The following CHD6 variants were observed in gnomAD, a reference collection of about 807,000 sequenced individuals.
CHD6 encodes ATP-dependent chromatin remodeler CHD6.
In CHD6, 50 loss-of-function variants were observed where a neutral mutation model predicts 276.9. The ratio of observed to expected loss-of-function variants is 0.18; its 90% CI spans 0.14 to 0.23. CHD6 has a LOEUF of 0.23. Among genes scored for constraint, CHD6 ranks in the 10% least tolerant of loss-of-function variants. The pLI is 1.00. For missense variants in CHD6, 2,564 were observed against 3,365.8 expected (o/e 0.76, Z 5.89); for synonymous variants, 1,173 against 1,229.3 (o/e 0.95, Z 0.96).
Position 41,404,452 on chromosome 20 carries a change from C to A in CHD6, c.*141G>T, listed in dbSNP as rs1458163099. 1.6e-5 allele frequency: 22 copies of A among 1,354,064 alleles called. No homozygotes were observed. In the South Asian group the frequency reaches 1.7e-4, roughly 11 times the overall value. The allele number at this position is 1,354,064 out of a possible 1,614,324, so 83.9% of individuals were successfully genotyped here. On this transcript the variant is annotated 3_prime_UTR_variant, in exon 37 of 37. Coordinates refer to ENST00000373233, the MANE Select transcript of CHD6 (RefSeq NM_032221.5). ...CCCTGCAACTATTAACATCTGTTAC[C>A]ATAGTTCTCAGACAGGAAATCAGGT...
At chr20:41,581,265 T>C (rs2045536212) in intron 1 of CHD6, among the ~76,000 whole-genome samples, 1 of 152,196 alleles carries the variant, frequency 6.6e-6, no homozygotes, top group Non-Finnish European at 1.5e-5. Context: ...GACGGTCAAG[T>C]AACTTGCCAA....
chr20:41,530,326 G>C (rs746163245), intron 3 of CHD6, among the ~76,000 whole-genome samples: 35 of 152,226 alleles, frequency 2.3e-4, no homozygotes, highest in Non-Finnish European at 4.7e-4. Context: ...GCTTCAGAAA[G>C]ACTAGCCAGG....
chr20:41,488,217 G>C (rs1229467824), intron 13 of CHD6, among the ~76,000 whole-genome samples: 1 of 152,128 alleles, frequency 6.6e-6, no homozygotes, highest in Non-Finnish European at 1.5e-5. Flanking sequence ...TAAGTCTATG[G>C]AAATCAATCT....
At chr20:41,506,082 A>G (rs1243133062) in intron 5 of CHD6, among the ~76,000 whole-genome samples, 1 of 151,996 alleles carries the variant, frequency 6.6e-6, no homozygotes, top group Non-Finnish European at 1.5e-5. Context: ...CCAAAACCCA[A>G]TCTATTTCTC....
chr20:41,403,638 C>T lies in CHD6; in HGVS notation c.*955G>A, dbSNP rs559713834. 1.4e-4 allele frequency: 153 copies of T among 1,061,574 alleles called. No homozygotes were observed. The South Asian group carries it at 3.3e-3, about 23-fold the overall frequency. 65.8% of individuals were successfully genotyped at this position (1,061,574 alleles called of 1,614,324 possible). ...TGTCAAAGTGTTGGGCAACTGTCTT[C>T]TTGCAGGCTCCAGAAAGAACCTTAT... is the stretch of plus-strand genomic sequence containing the variant. On this transcript the variant is annotated 3_prime_UTR_variant, in exon 37 of 37. Coordinates refer to ENST00000373233, the MANE Select transcript of CHD6 (RefSeq NM_032221.5).
intron 36 of CHD6, among the ~76,000 whole-genome samples, chr20:41,410,244 G>A (rs2046803852): frequency 6.6e-6 from 1 of 152,180 alleles, no homozygotes; most frequent in African/African-American, 2.4e-5. Context: ...TTAGGTCATA[G>A]GGGTCGAGCC....
intron 4 of CHD6, 115 bp from the exon 5 acceptor site, chr20:41,513,110 A>C (rs557883292): frequency 1.8e-6 from 2 of 1,128,846 alleles, no homozygotes; most frequent in East Asian, 4.7e-5. Context: ...TTGCCTTACA[A>C]AAGAAATCTT....
At chr20:41,511,253 C>G (rs1432138579) in intron 5 of CHD6, among the ~76,000 whole-genome samples, 1 of 152,230 alleles carries the variant, frequency 6.6e-6, no homozygotes, top group Non-Finnish European at 1.5e-5. Context: ...TGTGCTGCTA[C>G]TGCTCCATAC....
chr20:41,422,064 G>A lies in CHD6; in HGVS notation c.4571C>T (p.Thr1524Ile), dbSNP rs1301003529. The A allele has an allele frequency of 6.2e-7, 1 of 1,608,194 alleles. No homozygotes were observed. The highest frequency in any genetic ancestry group is 1.3e-5 in the African/African-American group (1 of 74,806). The part of the protein sequence containing the change: ...TWKDGGPPDT[T>I]IYVEPITEER... ...CTCAGTGATGGGTTCAACGTAGATG[G>A]TGGTATCTGGGGGACCTGGAGAGAA... Residue 1524 changes from threonine to isoleucine, a missense_variant, in exon 31 of 37, where the codon ACC becomes ATC. By Grantham distance (89) the Thr-to-Ile change is moderately conservative. Transcript: ENST00000373233.
chr20:41,490,033 GAGAAAT>G lies in CHD6; in HGVS notation c.1437-18_1437-13del. ...AAATACAGTTTTTTCTGCAGAGAGT[GAGAAAT>G]ATAGGTAATTCATTATCAATATAGG... On this transcript the variant is annotated splice_polypyrimidine_tract_variant and intron_variant, in intron 11 of 36. Transcript: ENST00000373233. 6.2e-7 allele frequency: 1 copy of G among 1,610,796 alleles called. No homozygotes were observed. The highest frequency in any genetic ancestry group is 8.5e-7 in the Non-Finnish European group (1 of 1,177,214).
intron 26 of CHD6, among the ~76,000 whole-genome samples, chr20:41,438,565 G>C (rs1008853199): frequency 6.6e-6 from 1 of 152,044 alleles, no homozygotes; most frequent in African/African-American, 2.4e-5. Flanking sequence ...ACTCCAGCCC[G>C]GGTGAAAGAG....
intron 1 of CHD6, among the ~76,000 whole-genome samples, chr20:41,564,378 T>C (rs2045333388): frequency 6.6e-6 from 1 of 152,202 alleles, no homozygotes; most frequent in Admixed American, 6.5e-5. Context: ...ACACACAACA[T>C]GGATGAATCT....
intron 17 of CHD6, among the ~76,000 whole-genome samples, chr20:41,468,341 C>T (rs531793265): frequency 1.3e-5 from 2 of 152,246 alleles, no homozygotes; most frequent in African/African-American, 4.8e-5. Context: ...AACTCCTGAC[C>T]TCAGGTGATC....
At position 41,447,220 on chromosome 20, in the gene CHD6, G is replaced by A. The variant is rs536142865; in HGVS notation, c.3773+662C>T. Among the ~76,000 whole-genome samples the A allele has an allele frequency of 2.8e-4, 43 of 152,286 alleles. No homozygotes were observed. The South Asian group carries it at 8.9e-3, about 32-fold the overall frequency. Reference sequence around the variant, plus strand: ...GAGAAAGAAGAAACCACGGCCCCAGGTAATCTCAACACAAAGTCCAAATAT... The same window carrying A: ...GAGAAAGAAGAAACCACGGCCCCAGATAATCTCAACACAAAGTCCAAATAT... On this transcript the variant is annotated intron_variant, in intron 24 of 36. Coordinates refer to ENST00000373233, the MANE Select transcript of CHD6 (RefSeq NM_032221.5).
chr20:41,415,328 T>C lies in CHD6; in HGVS notation c.6797A>G (p.His2266Arg). The stretch of plus-strand genomic sequence containing the variant: ...ATTGACAATCTGTCCAGTCACAGGA[T>C]GGATCAGGCCAGCTTGCAGAATCCC... ...LSGILQAGLI[H>R]PVTGQIVNGS... The change falls in exon 34 of 37, where the codon CAT (histidine) becomes CGT (arginine). Residue 2266 changes from histidine (H) to arginine (R), a missense_variant. Physicochemically the swap from His to Arg is conservative, Grantham distance 29 (BLOSUM62 0). Coordinates refer to ENST00000373233, the MANE Select transcript of CHD6 (RefSeq NM_032221.5). 1.2e-6 allele frequency: 2 copies of C among 1,614,134 alleles called. No homozygotes were observed. Among genetic ancestry groups the C allele is most frequent in the African/African-American group, 1.3e-5 (1 of 75,024 alleles).
chr20:41,406,746 T>C (rs2046688468), intron 36 of CHD6, among the ~76,000 whole-genome samples: 1 of 152,172 alleles, frequency 6.6e-6, no homozygotes. Flanking sequence ...CTGCATGCCT[T>C]TCTCTCTCTC....
At chr20:41,585,052 G>T (rs1380318599) in intron 1 of CHD6, among the ~76,000 whole-genome samples, 1 of 152,100 alleles carries the variant, frequency 6.6e-6, no homozygotes, top group South Asian at 2.1e-4. Flanking sequence ...AAAGGAAAAA[G>T]ACACAATTTA....
intron 2 of CHD6, among the ~76,000 whole-genome samples, chr20:41,536,486 A>G (rs1476204722): frequency 6.6e-6 from 1 of 152,246 alleles, no homozygotes; most frequent in African/African-American, 2.4e-5. Context: ...GGCCCTGGGC[A>G]GTGGTTCCAA....
chr20:41,548,205 G>A (rs945630059), intron 2 of CHD6, among the ~76,000 whole-genome samples: 1 of 152,302 alleles, frequency 6.6e-6, no homozygotes, highest in Admixed American at 6.5e-5. Context: ...TATAAGAGGA[G>A]CAGGATCAAG....
Sources: allele counts gnomAD v4.1 joint callset (sites outside exome capture counted in the v4.1 genomes callset), GRCh38; gene constraint gnomAD v4.1.1; transcripts MANE v1.5; gene names NCBI Gene and HGNC (gene_info 2026-07-23, HGNC 2026-07-21).